The following LRRTM4 variants were observed in gnomAD, a reference collection of about 807,000 sequenced individuals.
LRRTM4 encodes leucine-rich repeat transmembrane neuronal protein 4.
In LRRTM4, 25 loss-of-function variants were observed where a neutral mutation model predicts 47.6. The observed-to-expected ratio is 0.53, with a 90% CI of 0.38 to 0.73. LRRTM4 has a LOEUF of 0.73. LRRTM4 is among the 30% of genes least tolerant of loss of function. The probability of loss-of-function intolerance (pLI) is 0.00; values close to 1 mark genes in which losing one functional copy is unlikely to be tolerated. For synonymous variants in LRRTM4, 311 were observed against 269.5 expected, an observed-to-expected ratio of 1.15 and a Z score of -1.51; for missense variants, 638 against 713.4, an observed-to-expected ratio of 0.89 and a Z score of 1.20.
intron 3 of LRRTM4, among the ~76,000 whole-genome samples, chr2:77,027,737 C>A (rs1471029527): frequency 2.0e-5 from 3 of 151,930 alleles, no homozygotes; most frequent in African/African-American, 7.3e-5. Context: ...AAATAACATG[C>A]AAAGGAAATA....
intron 3 of LRRTM4, among the ~76,000 whole-genome samples, chr2:77,244,647 T>A (rs190482447): frequency 6.6e-6 from 1 of 152,164 alleles, no homozygotes; most frequent in East Asian, 1.9e-4. Flanking sequence ...TAGGCTAGAC[T>A]TAGAAGTTCA....
chr2:76,812,038 T>C (rs1403492076), intron 3 of LRRTM4, among the ~76,000 whole-genome samples: 1 of 152,214 alleles, frequency 6.6e-6, no homozygotes, highest in East Asian at 1.9e-4. Context: ...TTTATTTTTT[T>C]CCTGGAGCAA....
At chr2:77,248,688 A>G (rs2104007994) in intron 3 of LRRTM4, among the ~76,000 whole-genome samples, 2 of 152,284 alleles carry the variant, frequency 1.3e-5, no homozygotes, top group African/African-American at 4.8e-5. Flanking sequence ...GTACTGGCAA[A>G]ATAATCGATA....
rs924196853 is a variant in LRRTM4 at position 77,236,015 on chromosome 2, C to T, written c.1551+282303G>A. Among the ~76,000 whole-genome samples, 3 of 151,880 alleles carry T rather than the reference C, an allele frequency of 2.0e-5. 1 individual carries two copies. The highest frequency in any genetic ancestry group is 2.0e-4 in the Admixed American group (3 of 15,224). On this transcript the variant is annotated intron_variant, in intron 3 of 3. Coordinates refer to ENST00000409884, the MANE Select transcript of LRRTM4 (RefSeq NM_001134745.3). ...TGGCTATTTGAATTCCTTTTTCGTT[C>T]CATATAAATTTTAGAATCTTTTTTT...
intron 3 of LRRTM4, among the ~76,000 whole-genome samples, chr2:77,084,706 C>A (rs1680652647): frequency 6.6e-6 from 1 of 152,116 alleles, no homozygotes; most frequent in South Asian, 2.1e-4. Flanking sequence ...CTGGTGTCAT[C>A]ATGAGATAGT....
At chr2:76,890,983 T>G (rs1011395426) in intron 3 of LRRTM4, among the ~76,000 whole-genome samples, 2 of 151,854 alleles carry the variant, frequency 1.3e-5, no homozygotes, top group Non-Finnish European at 2.9e-5. Context: ...GATCTGAGAC[T>G]GGTGGGTCAG....
chr2:77,256,437 T>C (rs1675767987), intron 3 of LRRTM4, among the ~76,000 whole-genome samples: 1 of 152,012 alleles, frequency 6.6e-6, no homozygotes, highest in Admixed American at 6.6e-5. Flanking sequence ...CCAAATCTCA[T>C]CTTGAGTTGT....
intron 3 of LRRTM4, among the ~76,000 whole-genome samples, chr2:76,908,117 C>T (rs1265712132): frequency 1.3e-5 from 2 of 150,690 alleles, no homozygotes; most frequent in East Asian, 4.0e-4. Context: ...AAACCGAATC[C>T]AGCAGCACAT....
chr2:77,467,312 GC>G (rs149105918), intron 3 of LRRTM4, among the ~76,000 whole-genome samples: 4 of 152,196 alleles, frequency 2.6e-5, no homozygotes, highest in African/African-American at 7.2e-5. Flanking sequence ...GCAAGACTCA[GC>G]CCCATCCACG....
intron 3 of LRRTM4, among the ~76,000 whole-genome samples, chr2:77,004,908 C>G (rs967809770): frequency 9.2e-5 from 14 of 152,292 alleles, no homozygotes; most frequent in Admixed American, 8.5e-4. Flanking sequence ...GGATTTCTGA[C>G]TTGCATGGGG....
At chr2:77,514,031 AT>A in intron 3 of LRRTM4, among the ~76,000 whole-genome samples, 1 of 152,090 alleles carries the variant, frequency 6.6e-6, no homozygotes, top group South Asian at 2.1e-4. Context: ...ATATGTTTCT[AT>A]TTTGTCTTTA....
chr2:77,435,567 A>C (rs964176698), intron 3 of LRRTM4, among the ~76,000 whole-genome samples: 1 of 152,310 alleles, frequency 6.6e-6, no homozygotes, highest in South Asian at 2.1e-4. Context: ...GCAAAGTCAT[A>C]CCGAATGGGC....
chr2:77,463,750 C>T (rs999580950), intron 3 of LRRTM4, among the ~76,000 whole-genome samples: 3 of 152,058 alleles, frequency 2.0e-5, no homozygotes, highest in African/African-American at 7.2e-5. Context: ...CATATTTTAT[C>T]ATAGTTGCAC....
chr2:77,195,878 T>C (rs1673809453), intron 3 of LRRTM4, among the ~76,000 whole-genome samples: 1 of 152,108 alleles, frequency 6.6e-6, no homozygotes. Context: ...GTGTGGTCAC[T>C]GTACAGAAGG....
At chr2:76,983,072 T>C (rs1240135462) in intron 3 of LRRTM4, among the ~76,000 whole-genome samples, 1 of 152,064 alleles carries the variant, frequency 6.6e-6, no homozygotes, top group Non-Finnish European at 1.5e-5. Context: ...GTCCTTTACA[T>C]TCAAACAGAT....
At chr2:76,805,735 C>A (rs1007364046) in intron 3 of LRRTM4, among the ~76,000 whole-genome samples, 8 of 152,094 alleles carry the variant, frequency 5.3e-5, no homozygotes, top group African/African-American at 1.9e-4. Context: ...CATCACGCAT[C>A]CACCAGAAAG....
chr2:76,910,260 A>G (rs192272983), intron 3 of LRRTM4, among the ~76,000 whole-genome samples: 2 of 150,042 alleles, frequency 1.3e-5, no homozygotes, highest in East Asian at 4.0e-4. Flanking sequence ...AAAACCAAAC[A>G]CTGCATATTC....
At chr2:77,124,441 A>G (rs1458780975) in intron 3 of LRRTM4, among the ~76,000 whole-genome samples, 2 of 152,176 alleles carry the variant, frequency 1.3e-5, no homozygotes, top group African/African-American at 4.8e-5. Flanking sequence ...TCAAGACAAA[A>G]TTGGTTGTAA....
chr2:77,088,778 C>T (rs1215015977), intron 3 of LRRTM4, among the ~76,000 whole-genome samples: 1 of 152,156 alleles, frequency 6.6e-6, no homozygotes, highest in Non-Finnish European at 1.5e-5. Context: ...ACCTCAGGTC[C>T]TCAGACCCAC....
Sources: allele counts gnomAD v4.1 joint callset (sites outside exome capture counted in the v4.1 genomes callset), GRCh38; gene constraint gnomAD v4.1.1; transcripts MANE v1.5; gene names NCBI Gene and HGNC (gene_info 2026-07-23, HGNC 2026-07-21).